ALDH1L2: variants seen among roughly 807,000 people sequenced by gnomAD.
ALDH1L2 encodes mitochondrial 10-formyltetrahydrofolate dehydrogenase.
In ALDH1L2, 91 loss-of-function variants were observed where a neutral mutation model predicts 111.0. The ratio of observed to expected loss-of-function variants is 0.82; its 90% CI spans 0.69 to 0.98. The LOEUF is 0.98. Ranked by LOEUF, ALDH1L2 falls within the 50% of genes least tolerant of loss-of-function variation. The pLI is 0.00. For synonymous variants in ALDH1L2, 374 were observed against 392.6 expected (o/e 0.95, Z 0.56); for missense variants, 995 against 1,126.8 (o/e 0.88, Z 1.67).
intron 12 of ALDH1L2, among the ~76,000 whole-genome samples, 158 bp downstream of exon 12, chr12:105,051,932 G>A (rs201742688): frequency 5.3e-5 from 8 of 151,870 alleles, no homozygotes; most frequent in Non-Finnish European, 8.8e-5. Context: ...CTACAGGCAC[G>A]TGCCACCACT....
chr12:105,076,947 G>T (rs1878079952), intron 1 of ALDH1L2, among the ~76,000 whole-genome samples: 2 of 152,236 alleles, frequency 1.3e-5, no homozygotes, highest in African/African-American at 4.8e-5. Context: ...CTGCCCAAGG[G>T]CAGAGCTAAT....
Position 105,061,731 on chromosome 12 carries a change from A to T in ALDH1L2, c.943T>A (p.Phe315Ile). Residue 315 changes from phenylalanine (F) to isoleucine (I), a missense_variant, in exon 8 of 23, where the codon TTT becomes ATT. Phe to Ile is a conservative substitution (Grantham distance 21). Transcript: ENST00000258494. ...GKALTVRNLQ[F>I]EDGKMIPASQ... ...GCAGGGATCATTTTTCCATCTTCAA[A>T]CTGCAGATTTCTCACCGTCAGCTAC... 1 of 1,614,160 alleles carries T rather than the reference A, an allele frequency of 6.2e-7. No individual in the cohort carries two copies. The highest frequency in any genetic ancestry group is 8.5e-7 in the Non-Finnish European group (1 of 1,180,020).
rs1876148480 is a variant in ALDH1L2, at chr12:105,049,961, C to T, written c.1633G>A (p.Gly545Arg). ...TATCTGAATGTTTGCACAGACATTC[C>T]AATGTGTGTCTTCAGGGCCAAGGTA... ...VYTLALKTHI[G>R]MSVQTFRYFA... is the part of the protein sequence containing the mutation. The change falls in exon 13 of 23, where the codon GGA (glycine) becomes AGA (arginine). Residue 545 changes from glycine (G) to arginine (R), a missense_variant. Coordinates refer to ENST00000258494, the MANE Select transcript of ALDH1L2 (RefSeq NM_001034173.4). 3 of 1,612,596 alleles carry T rather than the reference C, an allele frequency of 1.9e-6. No homozygotes were observed. Among genetic ancestry groups the T allele is most frequent in the Non-Finnish European group, 1.7e-6 (2 of 1,179,306 alleles).
intron 4 of ALDH1L2, among the ~76,000 whole-genome samples, chr12:105,068,173 A>G (rs1183267457): frequency 6.6e-6 from 1 of 152,160 alleles, no homozygotes; most frequent in East Asian, 1.9e-4. Context: ...CTAGCTCTGA[A>G]AAAAAATTAA....
Position 105,052,233 on chromosome 12 carries a change from T to C in ALDH1L2, c.1408-16A>G. 1 of 1,584,352 alleles carries C rather than the reference T, an allele frequency of 6.3e-7. No homozygotes were observed. On this transcript the variant is annotated splice_polypyrimidine_tract_variant and intron_variant, in intron 11 of 22. Transcript: ENST00000258494. ...TGCATATTGTCTATTTCAAGGTAAG[T>C]AAAAATAGGCCCCATGAGAGATATG...
chr12:105,061,161 C>T lies in ALDH1L2; in HGVS notation c.1048-89G>A. ...TAGCTCTTCACCAAACCAATTCCCT[C>T]TTCATCTTGTACACTCAGCTGTACA... On this transcript the variant is annotated intron_variant, in intron 8 of 22. Transcript: ENST00000258494. The T allele has an allele frequency of 3.6e-6, 4 of 1,109,730 alleles. No homozygotes were observed. The East Asian group carries it at 9.6e-5, about 27-fold the overall frequency. The allele number at this position is 1,109,730 out of a possible 1,614,324, so 68.7% of individuals were successfully genotyped here.
chr12:105,050,376 G>T, intron 12 of ALDH1L2: 1 of 200,470 alleles, frequency 5.0e-6, no homozygotes, highest in Non-Finnish European at 1.0e-5. Context: ...ACACTTCTGA[G>T]AACCCATGAA....
At chr12:105,066,417 C>A (rs1877355569) in intron 5 of ALDH1L2, 151 bp downstream of exon 5, 2 of 654,064 alleles carry the variant, frequency 3.1e-6, no homozygotes, top group Non-Finnish European at 5.3e-6. Flanking sequence ...GGACTCCCCT[C>A]TCCTGCGTAT....
intron 19 of ALDH1L2, 127 bp downstream of exon 19, chr12:105,034,172 AT>A: frequency 1.1e-5 from 9 of 856,502 alleles, no homozygotes; most frequent in East Asian, 5.9e-5. Flanking sequence ...CTAGGGACTG[AT>A]TTTTTTTAAA....
rs11284250 is a variant in ALDH1L2 at position 105,040,125 on chromosome 12, C to CAA, written c.1952-321_1952-320dup. Among the ~76,000 whole-genome samples, 411 of 59,066 alleles carry CAA rather than the reference C, an allele frequency of 7.0e-3. 32 individuals carry two copies. The highest frequency in any genetic ancestry group is 0.015 in the South Asian group (21 of 1,444). The allele number at this position is 59,066 out of a possible 152,430, so 38.7% of individuals were successfully genotyped here. ...GGGGCAACAGAGTGAGACTCCGTCT[C>CAA]AAAAAAAAAAAAAAAAAAAAAAAAA... On this transcript the variant is annotated intron_variant, in intron 16 of 22. Coordinates refer to ENST00000258494, the MANE Select transcript of ALDH1L2 (RefSeq NM_001034173.4).
At chr12:105,032,473 A>G (rs1874763384) in intron 19 of ALDH1L2, among the ~76,000 whole-genome samples, 1 of 152,048 alleles carries the variant, frequency 6.6e-6, no homozygotes, top group African/African-American at 2.4e-5. Flanking sequence ...TCCTGACCTC[A>G]GGCAATCCAC....
At chr12:105,043,364 C>CA (rs1302252101) in intron 15 of ALDH1L2, among the ~76,000 whole-genome samples, 1 of 152,166 alleles carries the variant, frequency 6.6e-6, no homozygotes, top group Non-Finnish European at 1.5e-5. Context: ...TGGTAGCAAA[C>CA]AAACAAGAAA....
intron 12 of ALDH1L2, among the ~76,000 whole-genome samples, chr12:105,051,779 TTC>T (rs1876280100): frequency 1.0e-5 from 1 of 98,230 alleles, no homozygotes; most frequent in Non-Finnish European, 2.3e-5. Context: ...TTTGTTTTGC[TTC>T]TTTTTTTTCC....
intron 1 of ALDH1L2, among the ~76,000 whole-genome samples, chr12:105,082,683 G>A (rs1426080308): frequency 1.3e-5 from 2 of 152,132 alleles, no homozygotes; most frequent in African/African-American, 2.4e-5. Flanking sequence ...TTTCTATGCG[G>A]GCAAATAAGG....
chr12:105,025,358 T>C (rs539424933), intron 22 of ALDH1L2, among the ~76,000 whole-genome samples: 7 of 152,254 alleles, frequency 4.6e-5, no homozygotes, highest in South Asian at 2.1e-4. Context: ...GGTTTTAAAA[T>C]TGGGGGAGGA....
chr12:105,040,767 T>G (rs1875482738), intron 15 of ALDH1L2, 73 bp from the exon 16 acceptor site: 1 of 1,189,886 alleles, frequency 8.4e-7, no homozygotes, highest in African/African-American at 1.5e-5. Flanking sequence ...CAGTTTTCCC[T>G]TGATAGCTGC....
intron 21 of ALDH1L2, among the ~76,000 whole-genome samples, chr12:105,028,112 T>C (rs1874509914): frequency 6.6e-6 from 1 of 152,024 alleles, no homozygotes. Context: ...CAGGTTGTTG[T>C]TGTTGTTTTT....
intron 2 of ALDH1L2, chr12:105,072,335 C>G (rs1877786835): frequency 6.6e-6 from 1 of 151,322 alleles, no homozygotes. Flanking sequence ...ATTTTTGTGT[C>G]CCTTTCCTTT....
At chr12:105,037,949 T>C (rs905604284) in intron 18 of ALDH1L2, among the ~76,000 whole-genome samples, 154 bp downstream of exon 18, 3 of 152,106 alleles carry the variant, frequency 2.0e-5, no homozygotes, top group African/African-American at 7.2e-5. Context: ...GCATTTTTAC[T>C]AGAGACGGGG....
Sources: allele counts gnomAD v4.1 joint callset (sites outside exome capture counted in the v4.1 genomes callset), GRCh38; gene constraint gnomAD v4.1.1; transcripts MANE v1.5; gene names NCBI Gene and HGNC (gene_info 2026-07-23, HGNC 2026-07-21).